The following FXR2 variants were observed in gnomAD, a reference collection of about 807,000 sequenced individuals.
FXR2 encodes FMR1 autosomal homolog 2, also known as RNA-binding protein FXR2.
FXR2 carries 9 observed loss-of-function variants against 87.3 expected under a neutral mutation model. That is an observed-to-expected ratio of 0.10 (90% CI 0.06 to 0.18). The LOEUF (loss-of-function observed/expected upper bound fraction) is 0.18, where lower values mean the gene tolerates loss of function less well. FXR2 is among the 10% of genes least tolerant of loss of function. The pLI, the probability that FXR2 is intolerant of heterozygous loss-of-function variation, is 1.00. For synonymous variants in FXR2, 331 were observed against 328.3 expected (o/e 1.01, Z -0.09); for missense variants, 661 against 893.6 (o/e 0.74, Z 3.32).
intron 1 of FXR2, among the ~76,000 whole-genome samples, chr17:7,612,327 C>T (rs1406050719): frequency 2.0e-5 from 3 of 152,104 alleles, no homozygotes; most frequent in Non-Finnish European, 4.4e-5. Flanking sequence ...CTTTAGGAAG[C>T]TATTTCAACA....
intron 1 of FXR2, among the ~76,000 whole-genome samples, 173 bp downstream of exon 1, chr17:7,614,279 G>A (rs1432691642): frequency 6.6e-6 from 1 of 152,124 alleles, no homozygotes; most frequent in East Asian, 1.9e-4. Flanking sequence ...AAAAATAAGA[G>A]GAACAGGGTT....
At chr17:7,607,176 G>C (rs1167450456) in intron 1 of FXR2, among the ~76,000 whole-genome samples, 1 of 151,980 alleles carries the variant, frequency 6.6e-6, no homozygotes, top group Non-Finnish European at 1.5e-5. Flanking sequence ...AAATTAGCCA[G>C]GTGTGGTGGT....
chr17:7,597,688 CG>C (rs1313826227), intron 7 of FXR2, among the ~76,000 whole-genome samples: 1 of 152,134 alleles, frequency 6.6e-6, no homozygotes, highest in East Asian at 1.9e-4. Context: ...GGATTGCAGG[CG>C]TGAGCCGCTG....
Position 7,594,121 on chromosome 17 carries a change from C to T in FXR2, c.1020+117G>A, listed in dbSNP as rs568983495. The T allele has an allele frequency of 1.2e-5, 11 of 893,822 alleles. No homozygotes were observed. The highest frequency in any genetic ancestry group is 1.7e-5 in the Non-Finnish European group (9 of 538,802). 55.4% of individuals were successfully genotyped at this position (893,822 alleles called of 1,614,324 possible). ...GGGATCATTCTGGGCTCTAAATCTACTAGTGTTAAACAACTTTCCGTACTC... is the reference window on the plus strand; with the variant it reads ...GGGATCATTCTGGGCTCTAAATCTATTAGTGTTAAACAACTTTCCGTACTC... On this transcript the variant is annotated intron_variant, in intron 10 of 16. Transcript: ENST00000250113. This position sits in a 1 kb window ranked among gnomAD's most constrained non-coding sequence, Gnocchi z 5.1.
At chr17:7,604,611 G>C (rs546862499) in intron 3 of FXR2, among the ~76,000 whole-genome samples, 2 of 151,586 alleles carry the variant, frequency 1.3e-5, no homozygotes, top group Non-Finnish European at 2.9e-5. Flanking sequence ...AGAATCACTT[G>C]AACCAGGAGG....
intron 3 of FXR2, among the ~76,000 whole-genome samples, 184 bp downstream of exon 3, chr17:7,605,461 G>C (rs77940276): frequency 1.3e-5 from 2 of 152,182 alleles, no homozygotes; most frequent in East Asian, 3.9e-4. Flanking sequence ...TGAAACTGGG[G>C]ATGTTCCTGA....
In FXR2 at chr17:7,592,941, TCTTTC is replaced by T; in HGVS notation, c.1528+38_1528+42del. ...GGAGTTGGCAGTCAGGTGCCCATCATCTTTCCTTTTGGCCCATATTCATGAACCCA... is the reference window on the plus strand; with the variant it reads ...GGAGTTGGCAGTCAGGTGCCCATCATCTTTTGGCCCATATTCATGAACCCA... On this transcript the variant is annotated intron_variant, in intron 13 of 16. Transcript: ENST00000250113. This position sits in a 1 kb window ranked among gnomAD's most constrained non-coding sequence, Gnocchi z 4.8. 2 of 1,546,182 alleles carry T rather than the reference TCTTTC, an allele frequency of 1.3e-6. No individual in the cohort carries two copies. The highest frequency in any genetic ancestry group is 1.7e-6 in the Non-Finnish European group (2 of 1,146,026).
intron 1 of FXR2, among the ~76,000 whole-genome samples, chr17:7,610,067 T>C (rs531723594): frequency 1.7e-4 from 25 of 143,012 alleles, no homozygotes; most frequent in South Asian, 6.5e-4. Flanking sequence ...CACACACACA[T>C]ATATATAAAT....
chr17:7,606,656 A>T (rs1427590116), intron 1 of FXR2, among the ~76,000 whole-genome samples: 1 of 152,220 alleles, frequency 6.6e-6, no homozygotes, highest in Non-Finnish European at 1.5e-5. Flanking sequence ...GGAACACTAG[A>T]CAAGTTCAAA....
intron 3 of FXR2, among the ~76,000 whole-genome samples, chr17:7,605,322 C>T (rs780653718): frequency 1.1e-4 from 17 of 151,972 alleles, no homozygotes; most frequent in African/African-American, 3.1e-4. Flanking sequence ...TAGCTGAGAT[C>T]GCGCCACTGC....
At chr17:7,608,919 T>C (rs1161373821) in intron 1 of FXR2, among the ~76,000 whole-genome samples, 2 of 152,194 alleles carry the variant, frequency 1.3e-5, no homozygotes, top group Non-Finnish European at 2.9e-5. Context: ...AGAGAGCCCA[T>C]ACAACACAGG....
intron 7 of FXR2, among the ~76,000 whole-genome samples, chr17:7,600,652 G>A (rs2071747527): frequency 6.6e-6 from 1 of 152,126 alleles, no homozygotes; most frequent in African/African-American, 2.4e-5. Flanking sequence ...TTGGGAGGCC[G>A]AGGCAGGTGG....
Position 7,595,965 on chromosome 17 carries a change from T to G in FXR2, c.690A>C (p.Gln230His). 6.2e-7 allele frequency: 1 copy of G among 1,613,588 alleles called. No homozygotes were observed. Among genetic ancestry groups the G allele is most frequent in the East Asian group, 2.2e-5 (1 of 44,858 alleles). The change falls in exon 8 of 17, where the codon CAA becomes CAC. Residue 230 changes from glutamine to histidine, a missense_variant. This residue lies in a region of FXR2 where 82 missense variants were observed against 214.4 expected (regional missense o/e 0.38). Coordinates refer to ENST00000250113, the MANE Select transcript of FXR2 (RefSeq NM_004860.4). The surrounding 1 kb of genome is among the most constrained non-coding windows in gnomAD (Gnocchi z 4.7). ...GGTCCTCTCGCACTGTGAACTCCTC[T>G]TGGAAGGCTGCTGCCAACTGCTTGC... ...ETSKQLAAAFQEEFTVREDLM... is the reference protein window; with the variant it reads ...ETSKQLAAAFHEEFTVREDLM...
Position 7,601,421 on chromosome 17 carries a change from G to C in FXR2, c.648C>G (p.Thr216=). 1 of 1,601,936 alleles carries C rather than the reference G, an allele frequency of 6.2e-7. No individual in the cohort carries two copies. Residue 216 remains threonine, a synonymous_variant, in exon 7 of 17, where the codon ACC becomes ACG. Transcript: ENST00000250113. ...AGCTAAAAGTTACCTCTAGGTGCTT[G>C]GTAGCTTCTTCATTGCGGGACATAA... ...LLLMSRNEEA[T]KHLETSKQLA...
Position 7,593,358 on chromosome 17 carries a change from A to C in FXR2, c.1330+45T>G, listed in dbSNP as rs1303693488. On this transcript the variant is annotated intron_variant, in intron 12 of 16. Transcript: ENST00000250113. This position sits in a 1 kb window ranked among gnomAD's most constrained non-coding sequence, Gnocchi z 6.1. Reference sequence around the variant, plus strand: ...TCCATCCAGACCTCTGCCTCTACCCACAAGCCCTGCCACTCCTTGCCTCCT... The same window carrying C: ...TCCATCCAGACCTCTGCCTCTACCCCCAAGCCCTGCCACTCCTTGCCTCCT... 6.9e-7 allele frequency: 1 copy of C among 1,443,266 alleles called. No homozygotes were observed. The highest frequency in any genetic ancestry group is 2.0e-5 in the Admixed American group (1 of 50,604). The allele number at this position is 1,443,266 out of a possible 1,614,324, so 89.4% of individuals were successfully genotyped here.
chr17:7,601,359 AG>A (rs758141971), intron 7 of FXR2, 49 bp downstream of exon 7: 23 of 973,964 alleles, frequency 2.4e-5, no homozygotes, highest in Middle Eastern at 2.1e-4. Flanking sequence ...CAGGGTAGGA[AG>A]GGAGGAAGAC....
chr17:7,595,808 G>A lies in FXR2; in HGVS notation c.831+16C>T. 1 of 1,608,100 alleles carries A rather than the reference G, an allele frequency of 6.2e-7. No individual in the cohort carries two copies. The highest frequency in any genetic ancestry group is 8.5e-7 in the Non-Finnish European group (1 of 1,175,024). ...TATCCCCTAAGAGACCCAGAAGAAA[G>A]ACATCCTTTGCTGACCTCCCCATAG... On this transcript the variant is annotated intron_variant, in intron 8 of 16. Transcript: ENST00000250113. This position sits in a 1 kb window ranked among gnomAD's most constrained non-coding sequence, Gnocchi z 4.7.
intron 7 of FXR2, among the ~76,000 whole-genome samples, chr17:7,598,658 A>G (rs564142604): frequency 6.6e-6 from 1 of 152,308 alleles, no homozygotes; most frequent in African/African-American, 2.4e-5. Flanking sequence ...AGATCGCACT[A>G]CTGCACTCCA....
chr17:7,598,282 C>T (rs1056556480), intron 7 of FXR2, among the ~76,000 whole-genome samples: 1 of 151,778 alleles, frequency 6.6e-6, no homozygotes, highest in Non-Finnish European at 1.5e-5. Context: ...AACCCCATCT[C>T]TACTAAAAAA....
Sources: gnomAD v4.1 joint callset for allele counts (sites outside exome capture counted in the v4.1 genomes callset) on GRCh38, gnomAD v4.1.1 for gene constraint, gnomAD v4.1.1 regional missense constraint, Gnocchi (gnomAD v3.1) non-coding constraint, MANE v1.5 for transcripts, NCBI Gene and HGNC (gene_info 2026-07-23, HGNC 2026-07-21) for gene names.